The following NTM variants were observed in gnomAD, a reference collection of about 807,000 sequenced individuals.
NTM encodes the protein IgLON family member 2.
In NTM, 13 loss-of-function variants were observed where a neutral mutation model predicts 42.1. That is an observed-to-expected ratio of 0.31 (90% confidence interval 0.20 to 0.49). NTM has a LOEUF of 0.49. Among genes scored for constraint, NTM ranks in the 20% least tolerant of loss-of-function variants. The pLI is 0.99. For missense variants in NTM, 373 were observed against 452.8 expected (o/e 0.82, Z 1.60); for synonymous variants, 187 against 179.2 (o/e 1.04, Z -0.35).
intron 1 of NTM, among the ~76,000 whole-genome samples, chr11:131,548,438 CT>C (rs887135388): frequency 6.6e-6 from 1 of 151,976 alleles, no homozygotes; most frequent in Non-Finnish European, 1.5e-5. Flanking sequence ...GCCTGATCAT[CT>C]TTTTTTTATA....
At position 131,616,778 on chromosome 11, in the gene NTM, G is replaced by GGGGTGTGT. The variant is rs1555166354; in HGVS notation, c.82+245891_82+245892insGGTGTGTG. On this transcript the variant is annotated intron_variant, in intron 1 of 8. Coordinates refer to ENST00000683400, the MANE Select transcript of NTM (RefSeq NM_001352005.2). ...TTTTACAAGCACACTGTCTTGAGGG[G>GGGGTGTGT]GTGTGTGTGTGTGTGTGTGTGTGTG... Among the ~76,000 whole-genome samples the GGGGTGTGT allele has an allele frequency of 1.5e-3, 218 of 141,980 alleles. 2 individuals carry two copies. The highest frequency in any genetic ancestry group is 5.5e-3 in the African/African-American group (207 of 37,364). The allele number at this position is 141,980 out of a possible 152,430, so 93.1% of individuals were successfully genotyped here.
intron 1 of NTM, among the ~76,000 whole-genome samples, chr11:131,421,075 T>C (rs1345978484): frequency 6.6e-6 from 1 of 152,180 alleles, no homozygotes; most frequent in Non-Finnish European, 1.5e-5. Flanking sequence ...GGGTGTGAGA[T>C]GGGCTGGAAG....
At position 131,449,115 on chromosome 11, in the gene NTM, G is replaced by A. The variant is rs193128109; in HGVS notation, c.82+78227G>A. On this transcript the variant is annotated intron_variant, in intron 1 of 8. Transcript: ENST00000683400. ...AAGGGAGGGTCTCTGGTGCTTCTGA[G>A]CTATAAATTGGCTCAGTCAGGTTAG... 2.6e-5 allele frequency among the ~76,000 whole-genome samples: 4 copies of A among 152,352 alleles called. No individual in the cohort carries two copies. In the East Asian group the frequency reaches 7.7e-4, roughly 29 times the overall value.
intron 2 of NTM, among the ~76,000 whole-genome samples, chr11:131,938,635 A>T (rs572958809): frequency 6.6e-6 from 1 of 152,308 alleles, no homozygotes; most frequent in Non-Finnish European, 1.5e-5. Context: ...TCTATGTATG[A>T]TGCAAAAGGT....
chr11:131,879,223 T>C (rs1477661231), intron 1 of NTM, among the ~76,000 whole-genome samples: 3 of 152,152 alleles, frequency 2.0e-5, no homozygotes, highest in Non-Finnish European at 2.9e-5. Flanking sequence ...TTCCACCTTT[T>C]ACTATGGCCC....
chr11:131,913,513 G>A (rs566111807), intron 2 of NTM, among the ~76,000 whole-genome samples: 36 of 152,300 alleles, frequency 2.4e-4, no homozygotes, highest in Middle Eastern at 3.4e-3. Context: ...GCTGAATCAC[G>A]GGACAGGCCT....
intron 4 of NTM, among the ~76,000 whole-genome samples, chr11:132,258,249 T>A (rs2092629005): frequency 6.6e-6 from 1 of 152,232 alleles, no homozygotes; most frequent in Non-Finnish European, 1.5e-5. Flanking sequence ...CTAAACTCTG[T>A]CCTCATCTCA....
At chr11:131,542,621 T>C (rs73574301) in intron 1 of NTM, among the ~76,000 whole-genome samples, 7,391 of 152,190 alleles carry the variant, frequency 0.049, 590 homozygotes, top group African/African-American at 0.17. Context: ...ACCCCCTATT[T>C]TAGCACCCAC....
chr11:132,149,409 T>TA (rs11309231), intron 3 of NTM, among the ~76,000 whole-genome samples: 165 of 152,116 alleles, frequency 1.1e-3, no homozygotes, highest in African/African-American at 3.8e-3. Context: ...TATGATCCTT[T>TA]AAAAAAAGAA....
At chr11:131,750,892 C>T (rs556422644) in intron 1 of NTM, among the ~76,000 whole-genome samples, 2 of 152,256 alleles carry the variant, frequency 1.3e-5, no homozygotes, top group African/African-American at 4.8e-5. Flanking sequence ...TCTCTCTCCT[C>T]ACCACAGGCC....
At chr11:131,419,884 C>T (rs547182425) in intron 1 of NTM, among the ~76,000 whole-genome samples, 5 of 152,208 alleles carry the variant, frequency 3.3e-5, no homozygotes, top group African/African-American at 1.2e-4. Context: ...GAGCTGGCTG[C>T]CCACCATTTT....
chr11:131,701,031 T>C (rs562376830), intron 1 of NTM, among the ~76,000 whole-genome samples: 34 of 152,310 alleles, frequency 2.2e-4, no homozygotes, highest in East Asian at 1.2e-3. Context: ...AGTTAAAGCA[T>C]GTAATATGTT....
chr11:131,493,541 G>T (rs1955018596), intron 1 of NTM, among the ~76,000 whole-genome samples: 2 of 152,110 alleles, frequency 1.3e-5, no homozygotes, highest in Non-Finnish European at 2.9e-5. Flanking sequence ...CTCCTGAATG[G>T]ACAACAACCA....
At chr11:131,655,051 C>T (rs989629726) in intron 1 of NTM, among the ~76,000 whole-genome samples, 2 of 152,180 alleles carry the variant, frequency 1.3e-5, no homozygotes, top group Admixed American at 6.5e-5. Flanking sequence ...CGCCACTCCG[C>T]CGGTCCTCGG....
At chr11:131,938,899 A>G (rs943389855) in intron 2 of NTM, among the ~76,000 whole-genome samples, 1 of 152,170 alleles carries the variant, frequency 6.6e-6, no homozygotes, top group Non-Finnish European at 1.5e-5. Context: ...ACCCATGTAG[A>G]GAGACTGGTG....
intron 1 of NTM, among the ~76,000 whole-genome samples, chr11:131,893,410 G>A (rs577387504): frequency 6.6e-5 from 10 of 152,250 alleles, no homozygotes; most frequent in South Asian, 2.1e-4. Context: ...GTTAATTAAC[G>A]TTGCAAAGAA....
At chr11:131,963,980 A>G (rs959534844) in intron 2 of NTM, among the ~76,000 whole-genome samples, 3 of 152,242 alleles carry the variant, frequency 2.0e-5, no homozygotes, top group Non-Finnish European at 4.4e-5. Flanking sequence ...TACGCTAGTT[A>G]TACTTAGTAT....
chr11:132,287,363 T>C (rs2094285284), intron 4 of NTM, among the ~76,000 whole-genome samples: 1 of 152,214 alleles, frequency 6.6e-6, no homozygotes, highest in Non-Finnish European at 1.5e-5. Context: ...GACCCGGATG[T>C]TCTGTCTGCG....
At chr11:132,059,071 A>G (rs1259661622) in intron 2 of NTM, among the ~76,000 whole-genome samples, 1 of 152,192 alleles carries the variant, frequency 6.6e-6, no homozygotes, top group African/African-American at 2.4e-5. Flanking sequence ...ATAGACAGAA[A>G]AGAAACCCCA....
Sources: allele counts gnomAD v4.1 joint callset (sites outside exome capture counted in the v4.1 genomes callset), GRCh38; gene constraint gnomAD v4.1.1; transcripts MANE v1.5; gene names NCBI Gene and HGNC (gene_info 2026-07-23, HGNC 2026-07-21).